Variants in SLC20A2 observed in about 807,000 individuals in gnomAD.
SLC20A2 encodes sodium-dependent phosphate transporter 2.
Under a neutral mutation model 61.0 loss-of-function variants are expected in SLC20A2, and 30 were observed. The ratio of observed to expected loss-of-function variants is 0.49; its 90% CI spans 0.37 to 0.67. The LOEUF is 0.67. Ranked by LOEUF, SLC20A2 falls within the 30% of genes least tolerant of loss-of-function variation. The pLI, the probability that SLC20A2 is intolerant of heterozygous loss-of-function variation, is 0.00. For missense variants in SLC20A2, 626 were observed against 866.4 expected (o/e 0.72, Z 3.48); for synonymous variants, 351 against 353.3 (o/e 0.99, Z 0.07).
At chr8:42,421,197 AT>A (rs1288442764) in intron 10 of SLC20A2, among the ~76,000 whole-genome samples, 2 of 151,998 alleles carry the variant, frequency 1.3e-5, no homozygotes, top group Non-Finnish European at 2.9e-5. Flanking sequence ...TTAAAAAATT[AT>A]TTATTTAGTT....
intron 5 of SLC20A2, among the ~76,000 whole-genome samples, chr8:42,449,361 G>A (rs1216904910): frequency 6.6e-6 from 1 of 152,226 alleles, no homozygotes; most frequent in Non-Finnish European, 1.5e-5. Context: ...ACGATGAATA[G>A]TGATTTAGCT....
At chr8:42,423,520 C>T (rs1803180022) in intron 10 of SLC20A2, among the ~76,000 whole-genome samples, 1 of 151,628 alleles carries the variant, frequency 6.6e-6, no homozygotes, top group Non-Finnish European at 1.5e-5. Context: ...AGATTTTTAT[C>T]ATGGTCTTCT....
At chr8:42,516,926 G>A (rs922782064) in intron 1 of SLC20A2, among the ~76,000 whole-genome samples, 1 of 152,172 alleles carries the variant, frequency 6.6e-6, no homozygotes, top group Non-Finnish European at 1.5e-5. Flanking sequence ...TCACAGAGAT[G>A]CCTCACATAA....
At chr8:42,429,214 G>A (rs537456460) in intron 9 of SLC20A2, among the ~76,000 whole-genome samples, 1 of 152,000 alleles carries the variant, frequency 6.6e-6, no homozygotes, top group Admixed American at 6.6e-5. Flanking sequence ...TATTTTTCTC[G>A]GATTACGAAT....
rs1807758065 is a variant in SLC20A2 at position 42,472,894 on chromosome 8, T to C, written c.-264-240A>G. Among the ~76,000 whole-genome samples, 1 of 152,230 alleles carries C rather than the reference T, an allele frequency of 6.6e-6. No individual in the cohort carries two copies. Among genetic ancestry groups the C allele is most frequent in the Non-Finnish European group, 1.5e-5 (1 of 68,050 alleles). The stretch of plus-strand genomic sequence containing the variant: ...AGCATGCTTAATAATTACAGACTAA[T>C]AGTAATCCTTACTAGGTTACATTTT... On this transcript the variant is annotated intron_variant, in intron 1 of 10. Transcript: ENST00000520262. The surrounding 1 kb of genome is among the most constrained non-coding windows in gnomAD (Gnocchi z 4.1).
chr8:42,504,385 G>C (rs896625278), upstream of SLC20A2, among the ~76,000 whole-genome samples: 2 of 152,186 alleles, frequency 1.3e-5, no homozygotes, highest in African/African-American at 4.8e-5. Context: ...TAGACTAGTA[G>C]CAGATGCTGG....
intron 2 of SLC20A2, among the ~76,000 whole-genome samples, chr8:42,470,608 T>C (rs1357214756): frequency 6.6e-6 from 1 of 152,146 alleles, no homozygotes; most frequent in Non-Finnish European, 1.5e-5. Flanking sequence ...CTGCTTCTTA[T>C]CAGACGCCTC....
At chr8:42,526,677 A>G (rs1586272449) in intron 1 of SLC20A2, among the ~76,000 whole-genome samples, 1 of 151,672 alleles carries the variant, frequency 6.6e-6, no homozygotes, top group Middle Eastern at 3.4e-3. Flanking sequence ...TGTCTCAAAA[A>G]AAAAAAAAGA....
chr8:42,444,223 C>G (rs924871894), intron 6 of SLC20A2, among the ~76,000 whole-genome samples: 1 of 152,146 alleles, frequency 6.6e-6, no homozygotes, highest in African/African-American at 2.4e-5. Flanking sequence ...AGTGGTTGCA[C>G]CATTTTAAAT....
intron 1 of SLC20A2, among the ~76,000 whole-genome samples, chr8:42,524,536 CCAG>C (rs903797384): frequency 3.9e-5 from 6 of 152,014 alleles, no homozygotes; most frequent in Non-Finnish European, 8.8e-5. Context: ...CCCTGTAATC[CCAG>C]CATTTTAGGA....
At chr8:42,522,807 C>T (rs1157312047) in intron 1 of SLC20A2, among the ~76,000 whole-genome samples, 3 of 148,056 alleles carry the variant, frequency 2.0e-5, no homozygotes, top group African/African-American at 4.9e-5. Context: ...TGGGCCCAGG[C>T]GAGCCTCCTG....
chr8:42,453,817 G>GA (rs1325989293), intron 5 of SLC20A2, among the ~76,000 whole-genome samples: 1 of 152,110 alleles, frequency 6.6e-6, no homozygotes, highest in Non-Finnish European at 1.5e-5. Context: ...AAGATGTGTG[G>GA]AAAAACAGAA....
chr8:42,447,477 A>C (rs555341007), intron 5 of SLC20A2, among the ~76,000 whole-genome samples: 2 of 152,110 alleles, frequency 1.3e-5, no homozygotes, highest in East Asian at 1.9e-4. Context: ...GGAGATGGAG[A>C]CCATCCTGGC....
At chr8:42,462,500 T>C (rs1806790127) in intron 4 of SLC20A2, among the ~76,000 whole-genome samples, 1 of 151,384 alleles carries the variant, frequency 6.6e-6, no homozygotes, top group Non-Finnish European at 1.5e-5. Flanking sequence ...TAAGCACTAA[T>C]TTTTTTTTAG....
At chr8:42,466,597 A>G (rs1001492837) in intron 2 of SLC20A2, among the ~76,000 whole-genome samples, 2 of 152,202 alleles carry the variant, frequency 1.3e-5, no homozygotes, top group African/African-American at 4.8e-5. Flanking sequence ...CACATAATGA[A>G]AAGGACCAGA....
chr8:42,451,415 G>T (rs796177477), intron 5 of SLC20A2, among the ~76,000 whole-genome samples: 8 of 148,900 alleles, frequency 5.4e-5, no homozygotes, highest in African/African-American at 2.0e-4. Context: ...AGAGGAGAAG[G>T]AGTAGGAAGA....
chr8:42,485,169 T>C (rs1001674502), intron 1 of SLC20A2: 2 of 166,180 alleles, frequency 1.2e-5, no homozygotes, highest in African/African-American at 4.8e-5. Context: ...TCAGAGTCAC[T>C]CATTTATTTC....
At chr8:42,448,384 A>AT (rs1805393684) in intron 5 of SLC20A2, among the ~76,000 whole-genome samples, 5 of 152,192 alleles carry the variant, frequency 3.3e-5, no homozygotes, top group African/African-American at 1.2e-4. Flanking sequence ...ATTCATGCTG[A>AT]GCAGGGCCCG....
At chr8:42,533,665 T>TTTTTC (rs1812512733) in intron 1 of SLC20A2, among the ~76,000 whole-genome samples, 1 of 125,692 alleles carries the variant, frequency 8.0e-6, no homozygotes, top group African/African-American at 3.0e-5. Flanking sequence ...TTTTTTTTTT[T>TTTTTC]TTTTTTTTTT....
Sources: gnomAD v4.1 joint callset for allele counts (sites outside exome capture counted in the v4.1 genomes callset) on GRCh38, gnomAD v4.1.1 for gene constraint, Gnocchi (gnomAD v3.1) non-coding constraint, MANE v1.5 for transcripts, NCBI Gene and HGNC (gene_info 2026-07-23, HGNC 2026-07-21) for gene names.